Variants in TSGA10 observed in about 807,000 individuals in gnomAD.
TSGA10 encodes the protein testis specific 10.
In TSGA10, 43 loss-of-function variants were observed where a neutral mutation model predicts 96.6. The observed-to-expected ratio is 0.44, with a 90% CI of 0.35 to 0.57. TSGA10 has a LOEUF of 0.57. Among genes scored for constraint, TSGA10 ranks in the 20% least tolerant of loss-of-function variants. The pLI is 0.01. For synonymous variants in TSGA10, 229 were observed against 269.9 expected, an observed-to-expected ratio of 0.85 and a Z score of 1.48; for missense variants, 703 against 834.4, an observed-to-expected ratio of 0.84 and a Z score of 1.94.
chr2:99,119,748 T>C (rs539530337), intron 2 of TSGA10, among the ~76,000 whole-genome samples: 17 of 152,210 alleles, frequency 1.1e-4, no homozygotes, highest in Non-Finnish European at 2.1e-4. Context: ...TCTAGCAACA[T>C]GCACAGAAAC....
At chr2:99,091,784 A>T (rs11695751) in intron 10 of TSGA10, among the ~76,000 whole-genome samples, 1 of 151,400 alleles carries the variant, frequency 6.6e-6, no homozygotes, top group Admixed American at 6.6e-5. Flanking sequence ...GTTACTACTA[A>T]ACCTAATAAT....
intron 20 of TSGA10, among the ~76,000 whole-genome samples, chr2:99,012,462 C>T (rs1262638058): frequency 1.3e-5 from 2 of 152,154 alleles, no homozygotes; most frequent in East Asian, 3.9e-4. Flanking sequence ...TAAGGACTCA[C>T]ATAAACTTAA....
At chr2:99,051,464 A>G (rs1337714646) in intron 16 of TSGA10, among the ~76,000 whole-genome samples, 1 of 152,166 alleles carries the variant, frequency 6.6e-6, no homozygotes, top group African/African-American at 2.4e-5. Flanking sequence ...GAACTCAGTA[A>G]CAAAGCACTA....
At chr2:99,010,703 T>C (rs946351862) in intron 20 of TSGA10, among the ~76,000 whole-genome samples, 1 of 152,050 alleles carries the variant, frequency 6.6e-6, no homozygotes, top group African/African-American at 2.4e-5. Context: ...CCAACTGAAA[T>C]TGGTAGTGGT....
chr2:99,012,795 AATGAACTTAAACTAT>A (rs1396493073), intron 20 of TSGA10, among the ~76,000 whole-genome samples: 8 of 152,278 alleles, frequency 5.3e-5, no homozygotes, highest in Middle Eastern at 6.8e-3. Flanking sequence ...TCAAAGAAAC[AATGAACTTAAACTAT>A]ACCCTAGAAC....
At chr2:99,055,930 G>A (rs1387519626) in intron 16 of TSGA10, among the ~76,000 whole-genome samples, 4 of 151,378 alleles carry the variant, frequency 2.6e-5, no homozygotes, top group Non-Finnish European at 5.9e-5. Context: ...TCGGCCAGGC[G>A]CGGTGGCTCA....
intron 2 of TSGA10, among the ~76,000 whole-genome samples, chr2:99,121,457 T>TCTCTTCATGTGTTTTGCTC (rs2092564593): frequency 6.6e-6 from 1 of 150,962 alleles, no homozygotes; most frequent in Non-Finnish European, 1.5e-5. Flanking sequence ...CTGTGAAGTA[T>TCTCTTCATGTGTTTTGCTC]ATATATTCAT....
intron 16 of TSGA10, among the ~76,000 whole-genome samples, chr2:99,044,287 G>A (rs1232013158): frequency 2.7e-5 from 4 of 148,306 alleles, no homozygotes; most frequent in Admixed American, 1.4e-4. Context: ...TCCATCTCAC[G>A]TACGAAAACA....
At chr2:99,129,144 C>G (rs920275100) in intron 1 of TSGA10, among the ~76,000 whole-genome samples, 1 of 152,196 alleles carries the variant, frequency 6.6e-6, no homozygotes, top group Non-Finnish European at 1.5e-5. Flanking sequence ...TAAGGCTCAG[C>G]TGGAATTCCA....
In TSGA10 at chr2:99,020,349, A is replaced by G. The variant is rs752017052; in HGVS notation, c.1748T>C (p.Ile583Thr). The part of the protein sequence containing the change: ...ANRDKEYQSQ[I>T]ALQEKESEIQ... ...TTCAGATTCTTTTTCTTGAAGTGCT[A>G]TCTGAGACTGATATTCTTTGTCTCG... The change falls in exon 18 of 21, where the codon ATA becomes ACA. Residue 583 changes from isoleucine (I) to threonine (T), a missense_variant. Physicochemically the swap from Ile to Thr is moderately conservative, Grantham distance 89 (BLOSUM62 -1). Transcript: ENST00000393483. 2.3e-5 allele frequency: 37 copies of G among 1,613,770 alleles called. No individual in the cohort carries two copies. The highest frequency in any genetic ancestry group is 2.1e-5 in the Non-Finnish European group (25 of 1,179,860).
At chr2:99,010,712 G>T (rs1438591163) in intron 20 of TSGA10, among the ~76,000 whole-genome samples, 2 of 152,210 alleles carry the variant, frequency 1.3e-5, no homozygotes, top group Admixed American at 1.3e-4. Flanking sequence ...ATTGGTAGTG[G>T]TTTTGACTGG....
intron 20 of TSGA10, among the ~76,000 whole-genome samples, chr2:99,000,535 C>A (rs571891778): frequency 6.7e-6 from 1 of 150,202 alleles, no homozygotes; most frequent in African/African-American, 2.4e-5. Flanking sequence ...AAAAGGGGAT[C>A]GTTCCAAGAT....
intron 1 of TSGA10, among the ~76,000 whole-genome samples, chr2:99,140,482 A>G (rs1407516881): frequency 6.9e-6 from 1 of 144,724 alleles, no homozygotes; most frequent in Non-Finnish European, 1.5e-5. Context: ...CGAAGCTGCG[A>G]AAAAAAAAAA....
intron 15 of TSGA10, among the ~76,000 whole-genome samples, chr2:99,067,394 G>A (rs542981141): frequency 6.6e-6 from 1 of 152,346 alleles, no homozygotes; most frequent in East Asian, 1.9e-4. Context: ...GAAGGCCGAG[G>A]TGGGAGGATC....
At chr2:99,060,325 G>C (rs1430251675) in intron 16 of TSGA10, among the ~76,000 whole-genome samples, 10 of 151,870 alleles carry the variant, frequency 6.6e-5, no homozygotes, top group Non-Finnish European at 1.5e-4. Flanking sequence ...TAAAGACTGA[G>C]ATATTCTATA....
At chr2:99,039,704 G>C (rs1304530568) in intron 16 of TSGA10, among the ~76,000 whole-genome samples, 1 of 152,022 alleles carries the variant, frequency 6.6e-6, no homozygotes, top group East Asian at 1.9e-4. Flanking sequence ...TCAAAGAACT[G>C]GTACCAATCC....
intron 11 of TSGA10, among the ~76,000 whole-genome samples, chr2:99,081,023 T>C (rs2087404386): frequency 2.0e-5 from 3 of 152,134 alleles, no homozygotes; most frequent in Admixed American, 1.3e-4. Context: ...TAAGTTATCA[T>C]CGTAAGTTTA....
At chr2:99,115,245 T>A (rs1405636819) in intron 4 of TSGA10, among the ~76,000 whole-genome samples, 1 of 152,100 alleles carries the variant, frequency 6.6e-6, no homozygotes, top group Non-Finnish European at 1.5e-5. Flanking sequence ...ATTTTGATAA[T>A]TTTTATAATT....
At chr2:99,065,159 C>A (rs1274212308) in intron 15 of TSGA10, 35 bp from the exon 16 acceptor site, 4 of 1,591,908 alleles carry the variant, frequency 2.5e-6, no homozygotes, top group Non-Finnish European at 3.4e-6. Context: ...CTTTAAAATG[C>A]TGAACATATG....
Sources: allele counts gnomAD v4.1 joint callset (sites outside exome capture counted in the v4.1 genomes callset), GRCh38; gene constraint gnomAD v4.1.1; transcripts MANE v1.5; gene names NCBI Gene and HGNC (gene_info 2026-07-23, HGNC 2026-07-21).